Variants in PTPRG observed in about 807,000 individuals in gnomAD.
The protein encoded by PTPRG is protein tyrosine phosphatase receptor type G, also known as receptor-type tyrosine-protein phosphatase gamma.
A neutral mutation model predicts 165.3 loss-of-function variants in PTPRG; 102 were observed. That is an observed-to-expected ratio of 0.62 (90% CI 0.53 to 0.73). The LOEUF is 0.73. PTPRG is among the 30% of genes least tolerant of loss of function. The pLI is 0.00. For missense variants in PTPRG, 1,866 were observed against 1,861.4 expected (o/e 1.00, Z -0.05); for synonymous variants, 675 against 669.5 (o/e 1.01, Z -0.13).
chr3:61,606,783 C>A (rs1195663055), intron 1 of PTPRG, among the ~76,000 whole-genome samples: 1 of 152,140 alleles, frequency 6.6e-6, no homozygotes, highest in African/African-American at 2.4e-5. Context: ...TTATAAGGGC[C>A]TTAATTTTAT....
At chr3:61,908,448 A>T (rs1407244261) in intron 2 of PTPRG, among the ~76,000 whole-genome samples, 1 of 151,530 alleles carries the variant, frequency 6.6e-6, no homozygotes, top group African/African-American at 2.4e-5. Flanking sequence ...GTTTTTCAGA[A>T]GTGGAAATCT....
chr3:62,173,584 T>G (rs544236933), intron 8 of PTPRG, among the ~76,000 whole-genome samples: 43 of 152,306 alleles, frequency 2.8e-4, no homozygotes, highest in African/African-American at 1.0e-3. Flanking sequence ...TGACTGTGAA[T>G]GTGTTGGATC....
chr3:61,869,475 G>A (rs916024964), intron 2 of PTPRG, among the ~76,000 whole-genome samples: 1 of 152,136 alleles, frequency 6.6e-6, no homozygotes, highest in Non-Finnish European at 1.5e-5. Context: ...GATGGCTCCA[G>A]TGGCTTCTGA....
intron 1 of PTPRG, among the ~76,000 whole-genome samples, chr3:61,609,609 C>G (rs771164651): frequency 1.3e-5 from 2 of 152,140 alleles, no homozygotes; most frequent in Non-Finnish European, 2.9e-5. Flanking sequence ...GTAATCCTTG[C>G]ACTTCGTGAG....
rs368661045 is a variant in PTPRG, at chr3:61,972,643, C to CT, written c.191-16973dup. Among the ~76,000 whole-genome samples, 1,442 of 145,346 alleles carry CT rather than the reference C, an allele frequency of 9.9e-3. 37 individuals are homozygous for CT. The highest frequency in any genetic ancestry group is 0.035 in the African/African-American group (1,383 of 39,176). ...CTCCCCTCCCCTCTTCGTTCTTTTT[C>CT]TTTTTTTTTCTTTTCTTTTTTTTTT... On this transcript the variant is annotated intron_variant, in intron 2 of 29. Coordinates refer to ENST00000474889, the MANE Select transcript of PTPRG (RefSeq NM_002841.4).
intron 4 of PTPRG, among the ~76,000 whole-genome samples, chr3:62,028,092 A>G (rs1481492469): frequency 3.3e-5 from 5 of 152,228 alleles, no homozygotes; most frequent in Non-Finnish European, 5.9e-5. Flanking sequence ...CTGAAAGGAT[A>G]AGACAGTGGT....
intron 2 of PTPRG, among the ~76,000 whole-genome samples, chr3:61,878,317 A>C (rs2037798330): frequency 6.6e-6 from 1 of 152,110 alleles, no homozygotes; most frequent in Non-Finnish European, 1.5e-5. Flanking sequence ...GATTTATATG[A>C]GCTGGTAGGA....
At chr3:62,283,177 G>C (rs145273344) in intron 28 of PTPRG, among the ~76,000 whole-genome samples, 1 of 152,188 alleles carries the variant, frequency 6.6e-6, no homozygotes, top group African/African-American at 2.4e-5. Context: ...TAACAAATGA[G>C]TAAATTAATA....
intron 8 of PTPRG, among the ~76,000 whole-genome samples, chr3:62,186,755 C>T (rs150962134): frequency 1.6e-4 from 24 of 151,802 alleles, no homozygotes; most frequent in African/African-American, 5.6e-4. Context: ...TTTCTAGAGC[C>T]GGGGTTTCAC....
In PTPRG at chr3:62,201,508, A is replaced by T; in HGVS notation, c.1331A>T (p.Asn444Ile). The T allele has an allele frequency of 6.2e-7, 1 of 1,607,590 alleles. No homozygotes were observed. The highest frequency in any genetic ancestry group is 8.5e-7 in the Non-Finnish European group (1 of 1,176,372). Residue 444 changes from asparagine to isoleucine, a missense_variant, in exon 11 of 30, where the codon AAT becomes ATT. Physicochemically the swap from Asn to Ile is moderately radical, Grantham distance 149. This residue lies in a region of PTPRG where 1,452 missense variants were observed against 1,463.0 expected (regional missense o/e 0.99). Coordinates refer to ENST00000474889, the MANE Select transcript of PTPRG (RefSeq NM_002841.4). ...DFSQTMLFQA[N>I]TTRIFQGTRI... ...ATGTAATTTCTTTGTTTCTCAGCTA[A>T]TACCACTCGAATATTCCAAGGGACC... is the stretch of plus-strand genomic sequence containing the variant.
At chr3:61,670,665 G>C (rs1423616158) in intron 1 of PTPRG, among the ~76,000 whole-genome samples, 1 of 152,168 alleles carries the variant, frequency 6.6e-6, no homozygotes, top group Non-Finnish European at 1.5e-5. Context: ...ATGGGAGGCA[G>C]AGTTCTTAAA....
At chr3:61,747,640 T>C (rs1170855364) in intron 1 of PTPRG, among the ~76,000 whole-genome samples, 2 of 46,964 alleles carry the variant, frequency 4.3e-5, no homozygotes, top group Middle Eastern at 0.027. Flanking sequence ...GGTTTCTTAA[T>C]TTTTTTTAAT....
chr3:61,707,206 A>G (rs939523383), intron 1 of PTPRG, among the ~76,000 whole-genome samples: 2 of 152,218 alleles, frequency 1.3e-5, no homozygotes, highest in African/African-American at 4.8e-5. Context: ...ATGCATCCTC[A>G]TGCATATATG....
intron 4 of PTPRG, among the ~76,000 whole-genome samples, chr3:62,040,902 T>A (rs1408243772): frequency 6.6e-6 from 1 of 152,172 alleles, no homozygotes; most frequent in East Asian, 1.9e-4. Context: ...TTGCCATCTT[T>A]GGGTGACTGA....
In PTPRG at chr3:62,213,305, C is replaced by T. The variant is rs1700411035; in HGVS notation, c.2156-5546C>T. 6.6e-6 allele frequency among the ~76,000 whole-genome samples: 1 copy of T among 152,140 alleles called. No homozygotes were observed. Among genetic ancestry groups the T allele is most frequent in the African/African-American group, 2.4e-5 (1 of 41,430 alleles). On this transcript the variant is annotated intron_variant, in intron 12 of 29. Coordinates refer to ENST00000474889, the MANE Select transcript of PTPRG (RefSeq NM_002841.4). This position sits in a 1 kb window ranked among gnomAD's most constrained non-coding sequence, Gnocchi z 4.4. The stretch of plus-strand genomic sequence containing the variant: ...CCAGAGCAGCTTCATAAGCAGGCAG[C>T]CTGTGCACTCACACAGGCCCTGTGC...
chr3:62,085,137 C>G (rs190870868), intron 5 of PTPRG, among the ~76,000 whole-genome samples: 1 of 152,186 alleles, frequency 6.6e-6, no homozygotes, highest in Non-Finnish European at 1.5e-5. Flanking sequence ...GTGCATTGAC[C>G]TCAATTATTG....
At chr3:62,275,590 C>T (rs1257067464) in intron 23 of PTPRG, among the ~76,000 whole-genome samples, 1 of 152,102 alleles carries the variant, frequency 6.6e-6, no homozygotes, top group Admixed American at 6.6e-5. Context: ...CAGGAAGACC[C>T]CAATTCTATA....
chr3:61,777,195 A>G (rs2034410343), intron 2 of PTPRG, among the ~76,000 whole-genome samples: 1 of 152,230 alleles, frequency 6.6e-6, no homozygotes, highest in Non-Finnish European at 1.5e-5. Context: ...GTGCTGTCCA[A>G]CAGAAGTTTC....
chr3:61,628,766 C>A (rs1701685776), intron 1 of PTPRG, among the ~76,000 whole-genome samples: 1 of 152,186 alleles, frequency 6.6e-6, no homozygotes, highest in Non-Finnish European at 1.5e-5. Flanking sequence ...ACTCATCCAT[C>A]TCTGACCCTG....
Sources: gnomAD v4.1 joint callset for allele counts (sites outside exome capture counted in the v4.1 genomes callset) on GRCh38, gnomAD v4.1.1 for gene constraint, gnomAD v4.1.1 regional missense constraint, Gnocchi (gnomAD v3.1) non-coding constraint, MANE v1.5 for transcripts, NCBI Gene and HGNC (gene_info 2026-07-23, HGNC 2026-07-21) for gene names.